The following SRSF6 variants were observed in gnomAD, a reference collection of about 807,000 sequenced individuals.
SRSF6 encodes serine/arginine-rich splicing factor 6.
Under a neutral mutation model 42.0 loss-of-function variants are expected in SRSF6, and 17 were observed. That is an observed-to-expected ratio of 0.40 (90% CI 0.28 to 0.61). SRSF6 has a LOEUF of 0.61. Among genes scored for constraint, SRSF6 ranks in the 20% least tolerant of loss-of-function variants. The pLI is 0.37. For missense variants in SRSF6, 379 were observed against 471.4 expected (o/e 0.80, Z 1.81); for synonymous variants, 204 against 166.7 (o/e 1.22, Z -1.72).
At chr20:43,458,255 C>G in intron 1 of SRSF6, 106 bp from the exon 2 acceptor site, 2 of 1,402,776 alleles carry the variant, frequency 1.4e-6, no homozygotes, top group East Asian at 2.9e-5. Context: ...TCAAAGATGG[C>G]GACGGCGCGG....
rs1408994894 is a variant in SRSF6, at chr20:43,461,500, G to T, written c.*437G>T. 1 of 153,344 alleles carries T rather than the reference G, an allele frequency of 6.5e-6. No homozygotes were observed. Among genetic ancestry groups the T allele is most frequent in the Non-Finnish European group, 1.5e-5 (1 of 68,946 alleles). The allele number at this position is 153,344 out of a possible 1,614,324, so 9.5% of individuals were successfully genotyped here. ...GAGAACCCAATTTTCAATTATGTTG[G>T]CTTTTTATAAAGCTTGAGTTATGTA... On this transcript the variant is annotated 3_prime_UTR_variant, in exon 6 of 6. Transcript: ENST00000244020.
At chr20:43,459,278 A>G (rs766257938) in intron 2 of SRSF6, 1 of 1,352,156 alleles carries the variant, frequency 7.4e-7, no homozygotes, top group Non-Finnish European at 9.8e-7. Flanking sequence ...ACCGGAAGCC[A>G]TGACGACAGC....
At position 43,461,276 on chromosome 20, in the gene SRSF6, CTT is replaced by C. The variant is rs2017585777; in HGVS notation, c.*215_*216del. On this transcript the variant is annotated 3_prime_UTR_variant, in exon 6 of 6. Transcript: ENST00000244020. Reference sequence around the variant, plus strand: ...TCCCTTCTTTGTAGAATTAAGATAACTTTGATTTTATAGCTTTTGAGCTAACG... The same window carrying C: ...TCCCTTCTTTGTAGAATTAAGATAACTGATTTTATAGCTTTTGAGCTAACG... 9.0e-6 allele frequency: 3 copies of C among 335,194 alleles called. No homozygotes were observed. The highest frequency in any genetic ancestry group is 1.3e-5 in the Non-Finnish European group (3 of 223,050). The allele number at this position is 335,194 out of a possible 1,614,324, so 20.8% of individuals were successfully genotyped here.
chr20:43,459,643 AG>A, intron 2 of SRSF6, 127 bp from the exon 3 acceptor site: 1 of 1,463,622 alleles, frequency 6.8e-7, no homozygotes, highest in Non-Finnish European at 9.3e-7. Flanking sequence ...AATGTGTCGA[AG>A]GTTTAGCAAT....
At chr20:43,459,638 G>T (rs2017551988) in intron 2 of SRSF6, 133 bp from the exon 3 acceptor site, 3 of 1,437,672 alleles carry the variant, frequency 2.1e-6, no homozygotes, top group South Asian at 1.3e-5. Context: ...TCACAAATGT[G>T]TCGAAGGTTT....
rs2017628825 is a variant in SRSF6, at chr20:43,462,950, T to C, written c.*1887T>C. On this transcript the variant is annotated 3_prime_UTR_variant, in exon 6 of 6. Transcript: ENST00000244020. ...CAGCAGAAGTGATGACTCTTAAAAATTGGCTTTGACCAAAGTTCTCTTGTT... is the reference window on the plus strand; with the variant it reads ...CAGCAGAAGTGATGACTCTTAAAAACTGGCTTTGACCAAAGTTCTCTTGTT... The C allele has an allele frequency of 6.5e-6, 1 of 152,672 alleles. No individual in the cohort carries two copies. The highest frequency in any genetic ancestry group is 2.4e-5 in the African/African-American group (1 of 41,468). The allele number at this position is 152,672 out of a possible 1,614,324, so 9.5% of individuals were successfully genotyped here.
At chr20:43,458,753 T>C (rs533180088) in intron 2 of SRSF6, among the ~76,000 whole-genome samples, 1 of 152,092 alleles carries the variant, frequency 6.6e-6, no homozygotes. Flanking sequence ...TCTGGCCCCT[T>C]GTCAGCACTG....
chr20:43,458,234 G>A (rs1354168399), intron 1 of SRSF6, 94 bp downstream of exon 1: 1 of 1,450,726 alleles, frequency 6.9e-7, no homozygotes, highest in Non-Finnish European at 9.2e-7. Flanking sequence ...GCGGCGCCGC[G>A]TGGCAGGGCC....
rs1330517620 is a variant in SRSF6, at chr20:43,458,149, G to A, written c.107+9G>A. 1.2e-6 allele frequency: 2 copies of A among 1,610,916 alleles called. No homozygotes were observed. The highest frequency in any genetic ancestry group is 1.7e-6 in the Non-Finnish European group (2 of 1,178,382). Reference sequence around the variant, plus strand: ...GTAGACCTCAAAAATGGGTGAGTCGGGCCTGGGCGCCCGCGCCCAGCGTCC... The same window carrying A: ...GTAGACCTCAAAAATGGGTGAGTCGAGCCTGGGCGCCCGCGCCCAGCGTCC... On this transcript the variant is annotated intron_variant, in intron 1 of 5. Transcript: ENST00000244020.
rs1196378267 is a variant in SRSF6 at position 43,461,334 on chromosome 20, G to GTTTTTTTTTTTTTTT, written c.*273_*274insTTTTTTTTTTTTTTT. 20 of 56,458 alleles carry GTTTTTTTTTTTTTTT rather than the reference G, an allele frequency of 3.5e-4. 2 individuals are homozygous for GTTTTTTTTTTTTTTT. Among genetic ancestry groups the GTTTTTTTTTTTTTTT allele is most frequent in the African/African-American group, 1.3e-3 (18 of 13,540 alleles). The allele number at this position is 56,458 out of a possible 1,614,324, so 3.5% of individuals were successfully genotyped here. A position where few individuals can be genotyped will look rare whatever the true frequency, so the allele number is the denominator to read the frequency against. ...TTTGTAAAGATTAAGCTCATTTAGTGTTGTTTTTTTTTTTTTTTTTTTTTT... is the reference window on the plus strand; with the variant it reads ...TTTGTAAAGATTAAGCTCATTTAGTGTTTTTTTTTTTTTTTTTGTTTTTTTTTTTTTTTTTTTTTT... On this transcript the variant is annotated 3_prime_UTR_variant, in exon 6 of 6. Coordinates refer to ENST00000244020, the MANE Select transcript of SRSF6 (RefSeq NM_006275.6).
In SRSF6 at chr20:43,462,237, G is replaced by C. The variant is rs1033491801; in HGVS notation, c.*1174G>C. On this transcript the variant is annotated 3_prime_UTR_variant, in exon 6 of 6. Transcript: ENST00000244020. ...ACGCAAAACTTTTGTACTTTATTAC[G>C]AGTAAAGTGTAATGAGTACTGTGGA... 1 of 152,112 alleles carries C rather than the reference G, an allele frequency of 6.6e-6. No homozygotes were observed. Among genetic ancestry groups the C allele is most frequent in the Non-Finnish European group, 1.5e-5 (1 of 68,014 alleles). 9.4% of individuals were successfully genotyped at this position (152,112 alleles called of 1,614,324 possible).
In SRSF6 at chr20:43,463,785, A is replaced by G. The variant is rs1346621048; in HGVS notation, c.*2722A>G. 1.3e-5 allele frequency: 2 copies of G among 152,240 alleles called. No individual in the cohort carries two copies. The highest frequency in any genetic ancestry group is 1.3e-4 in the Admixed American group (2 of 15,284). The allele number at this position is 152,240 out of a possible 1,614,324, so 9.4% of individuals were successfully genotyped here. On this transcript the variant is annotated 3_prime_UTR_variant, in exon 6 of 6. Transcript: ENST00000244020. ...GTATATGGTTTATGTTGGGCAACTC[A>G]TTAATCACTGTGCTTCAGTGTCATC... is the stretch of plus-strand genomic sequence containing the variant.
rs781538442 is a variant in SRSF6, at chr20:43,461,105, T to G, written c.*42T>G. 6.6e-7 allele frequency: 1 copy of G among 1,512,586 alleles called. No individual in the cohort carries two copies. Among genetic ancestry groups the G allele is most frequent in the South Asian group, 1.3e-5 (1 of 74,076 alleles). The allele number at this position is 1,512,586 out of a possible 1,614,324, so 93.7% of individuals were successfully genotyped here. A position where few individuals can be genotyped will look rare whatever the true frequency, so the allele number is the denominator to read the frequency against. ...TGCACATTATTATGGAACACTTTCC[T>G]ACTTAGGCAGTTACTCTTCCATGTT... On this transcript the variant is annotated 3_prime_UTR_variant, in exon 6 of 6. Coordinates refer to ENST00000244020, the MANE Select transcript of SRSF6 (RefSeq NM_006275.6).
At position 43,461,905 on chromosome 20, in the gene SRSF6, A is replaced by C. The variant is rs1286474343; in HGVS notation, c.*842A>C. The C allele has an allele frequency of 6.6e-6, 1 of 152,232 alleles. No homozygotes were observed. The highest frequency in any genetic ancestry group is 1.5e-5 in the Non-Finnish European group (1 of 68,036). 9.4% of individuals were successfully genotyped at this position (152,232 alleles called of 1,614,324 possible). A position where few individuals can be genotyped will look rare whatever the true frequency, so the allele number is the denominator to read the frequency against. On this transcript the variant is annotated 3_prime_UTR_variant, in exon 6 of 6. Transcript: ENST00000244020. ...TTGTTTAGAGAATCCACTTTCTGGA[A>C]GTTCTCAGCATAATTAGTGTTGAGA...
chr20:43,464,007 A>G lies in SRSF6; in HGVS notation c.*2944A>G, dbSNP rs2017646668. 1 of 152,212 alleles carries G rather than the reference A, an allele frequency of 6.6e-6. No homozygotes were observed. Among genetic ancestry groups the G allele is most frequent in the Non-Finnish European group, 1.5e-5 (1 of 68,042 alleles). The allele number at this position is 152,212 out of a possible 1,614,324, so 9.4% of individuals were successfully genotyped here. ...TCAAGAGATTTCTATGATCATATAA[A>G]AATGCCTTTTTAGGTTTTCAGTGTT... On this transcript the variant is annotated 3_prime_UTR_variant, in exon 6 of 6. Transcript: ENST00000244020.
At chr20:43,458,575 G>A (rs2017537912) in intron 2 of SRSF6, 66 bp downstream of exon 2, 3 of 1,397,476 alleles carry the variant, frequency 2.1e-6, no homozygotes, top group Non-Finnish European at 1.9e-6. Flanking sequence ...GTGGGGTGGG[G>A]CCTCCCAGCC....
intron 2 of SRSF6, chr20:43,459,500 A>T: frequency 7.7e-7 from 1 of 1,304,532 alleles, no homozygotes; most frequent in Non-Finnish European, 9.8e-7. Flanking sequence ...TATATTTTAC[A>T]ATGTTCTGTA....
chr20:43,459,127 A>T, intron 2 of SRSF6: 1 of 1,350,222 alleles, frequency 7.4e-7, no homozygotes, highest in Non-Finnish European at 9.8e-7. Flanking sequence ...ACTTTTTAAC[A>T]AGTCCTTGAT....
chr20:43,458,592 G>A, intron 2 of SRSF6, 83 bp downstream of exon 2: 1 of 1,332,092 alleles, frequency 7.5e-7, no homozygotes, highest in Non-Finnish European at 9.7e-7. Flanking sequence ...AGCCCGGGCA[G>A]GCGCGAGGGC....
Sources: allele counts gnomAD v4.1 joint callset (sites outside exome capture counted in the v4.1 genomes callset), GRCh38; gene constraint gnomAD v4.1.1; transcripts MANE v1.5; gene names NCBI Gene and HGNC (gene_info 2026-07-23, HGNC 2026-07-21).